INTS9: variants seen among roughly 807,000 people sequenced by gnomAD.
INTS9 encodes integrator complex subunit 9.
INTS9 carries 55 observed loss-of-function variants against 79.7 expected under a neutral mutation model. That is an observed-to-expected ratio of 0.69 (90% CI 0.56 to 0.86). INTS9 has a LOEUF of 0.86. Among genes scored for constraint, INTS9 ranks in the 40% least tolerant of loss-of-function variants. The pLI, the probability that INTS9 is intolerant of heterozygous loss-of-function variation, is 0.00. For synonymous variants in INTS9, 319 were observed against 325.2 expected (o/e 0.98, Z 0.20); for missense variants, 721 against 831.5 (o/e 0.87, Z 1.64).
chr8:28,770,126 C>A, intron 15 of INTS9, 100 bp from the exon 16 acceptor site: 2 of 1,424,836 alleles, frequency 1.4e-6, no homozygotes, highest in South Asian at 2.8e-5. Context: ...TCCTCACAGG[C>A]CACAGAGCCC....
chr8:28,841,982 G>C (rs191774569), intron 4 of INTS9, among the ~76,000 whole-genome samples: 1 of 152,066 alleles, frequency 6.6e-6, no homozygotes, highest in Non-Finnish European at 1.5e-5. Flanking sequence ...CCAGCTACTC[G>C]GAGGCTGAGA....
At chr8:28,786,688 AT>A (rs1387997690) in intron 11 of INTS9, among the ~76,000 whole-genome samples, 1 of 152,172 alleles carries the variant, frequency 6.6e-6, no homozygotes, top group Non-Finnish European at 1.5e-5. Context: ...CATAGAGTAC[AT>A]TGTTCAGCTT....
chr8:28,834,139 C>A (rs1374021295), intron 6 of INTS9, among the ~76,000 whole-genome samples: 1 of 152,182 alleles, frequency 6.6e-6, no homozygotes, highest in Non-Finnish European at 1.5e-5. Context: ...CAGTTCTTTT[C>A]AATTCTATCT....
intron 11 of INTS9, among the ~76,000 whole-genome samples, chr8:28,784,498 C>A (rs1803472889): frequency 6.6e-6 from 1 of 152,210 alleles, no homozygotes; most frequent in African/African-American, 2.4e-5. Context: ...AAAATAACTT[C>A]TTCAAAACCT....
At chr8:28,880,359 C>T (rs1809651159) in intron 1 of INTS9, among the ~76,000 whole-genome samples, 1 of 151,898 alleles carries the variant, frequency 6.6e-6, no homozygotes, top group Non-Finnish European at 1.5e-5. Context: ...AACCTCCCTG[C>T]CTGATTCTCC....
intron 1 of INTS9, among the ~76,000 whole-genome samples, chr8:28,885,742 G>A (rs1810146891): frequency 6.6e-6 from 1 of 152,130 alleles, no homozygotes; most frequent in African/African-American, 2.4e-5. Context: ...TTTCGGTAAG[G>A]ACCTTTGTGA....
chr8:28,793,151 T>C (rs1343856810), intron 10 of INTS9, among the ~76,000 whole-genome samples: 1 of 152,166 alleles, frequency 6.6e-6, no homozygotes, highest in East Asian at 1.9e-4. Flanking sequence ...CTAAAAGGGA[T>C]TAAATGCAGC....
chr8:28,884,143 T>TACC (rs1159554823), intron 1 of INTS9, among the ~76,000 whole-genome samples: 2 of 143,388 alleles, frequency 1.4e-5, no homozygotes, highest in African/African-American at 2.5e-5. Flanking sequence ...CAACTACTAC[T>TACC]ACCAAAAGTC....
rs531961657 is a variant in INTS9 at position 28,883,631 on chromosome 8, C to G, written c.9+6243G>C. On this transcript the variant is annotated intron_variant, in intron 1 of 16. Coordinates refer to ENST00000521022, the MANE Select transcript of INTS9 (RefSeq NM_018250.4). ...ATTACATGTAACAAAAATATTTGAG[C>G]CTGAGCCCAAGGGTATCTCTAATCA... Among the ~76,000 whole-genome samples the G allele has an allele frequency of 3.3e-5, 5 of 152,310 alleles. 1 individual carries two copies. In the South Asian group the frequency reaches 6.2e-4, roughly 19 times the overall value.
chr8:28,813,319 G>A (rs1805267537), intron 7 of INTS9, among the ~76,000 whole-genome samples, 173 bp downstream of exon 7: 1 of 152,320 alleles, frequency 6.6e-6, no homozygotes, highest in African/African-American at 2.4e-5. Flanking sequence ...AGATGTGAGG[G>A]TGGGGAAAGA....
At position 28,846,730 on chromosome 8, in the gene INTS9, ATTCACCT is replaced by A; in HGVS notation, c.261+10_261+16del. The stretch of plus-strand genomic sequence containing the variant: ...TAATAAGGTTTGTTTCTACAATAAG[ATTCACCT>A]TAATCTTACCTCTGGTAAACAGAAT... On this transcript the variant is annotated intron_variant, in intron 4 of 16. Transcript: ENST00000521022. The A allele has an allele frequency of 6.3e-7, 1 of 1,590,116 alleles. No individual in the cohort carries two copies. Among genetic ancestry groups the A allele is most frequent in the South Asian group, 1.1e-5 (1 of 90,602 alleles).
intron 2 of INTS9, among the ~76,000 whole-genome samples, chr8:28,853,966 G>A (rs148927680): frequency 9.1e-4 from 138 of 151,982 alleles, no homozygotes; most frequent in East Asian, 3.1e-3. Context: ...TGATCTGCCC[G>A]CGCCTCAGCC....
intron 3 of INTS9, 94 bp downstream of exon 3, chr8:28,850,118 AG>A: frequency 1.2e-6 from 1 of 831,472 alleles, no homozygotes; most frequent in South Asian, 1.8e-5. Context: ...AAAAAAAAAA[AG>A]CCATCAGTCA....
intron 6 of INTS9, among the ~76,000 whole-genome samples, chr8:28,834,676 GTTTTTT>G (rs35112754): frequency 7.5e-6 from 1 of 134,178 alleles, no homozygotes; most frequent in Non-Finnish European, 1.6e-5. Flanking sequence ...GCAAACATCT[GTTTTTT>G]TTTTTTTTTT....
chr8:28,790,801 A>G lies in INTS9; in HGVS notation c.1038-2912T>C, dbSNP rs553408275. On this transcript the variant is annotated intron_variant, in intron 10 of 16. Coordinates refer to ENST00000521022, the MANE Select transcript of INTS9 (RefSeq NM_018250.4). ...TTCTTGTGGCAATCCCAGCCACTCA[A>G]CTACCTCAACGCTGAGGACACCCCA... is the stretch of plus-strand genomic sequence containing the variant. Among the ~76,000 whole-genome samples, 3 of 152,260 alleles carry G rather than the reference A, an allele frequency of 2.0e-5. No individual in the cohort carries two copies. The East Asian group carries it at 5.8e-4, about 29-fold the overall frequency.
intron 4 of INTS9, among the ~76,000 whole-genome samples, chr8:28,839,860 C>G (rs1370858585): frequency 1.4e-5 from 2 of 148,130 alleles, no homozygotes; most frequent in African/African-American, 2.5e-5. Context: ...CTAGGCATTA[C>G]CATTCAGGAC....
intron 1 of INTS9, among the ~76,000 whole-genome samples, chr8:28,877,089 A>C (rs1400546022): frequency 6.6e-6 from 1 of 152,136 alleles, no homozygotes; most frequent in East Asian, 1.9e-4. Context: ...AATAATTCTA[A>C]ATTTATACAA....
chr8:28,771,129 T>C lies in INTS9; in HGVS notation c.1564-49A>G, dbSNP rs1349382314. 6 of 1,181,688 alleles carry C rather than the reference T, an allele frequency of 5.1e-6. No individual in the cohort carries two copies. In the East Asian group the frequency reaches 1.3e-4, roughly 25 times the overall value. The allele number at this position is 1,181,688 out of a possible 1,614,324, so 73.2% of individuals were successfully genotyped here. ...GGCTGGGGGCCTTTAATGATGACCA[T>C]TACTCTTCCTTTAATCTGTATTTAC... On this transcript the variant is annotated intron_variant, in intron 14 of 16. Coordinates refer to ENST00000521022, the MANE Select transcript of INTS9 (RefSeq NM_018250.4).
chr8:28,835,419 ATTAGAGAAACACCCCATACT>A (rs758823528), intron 5 of INTS9, 41 bp from the exon 6 acceptor site: 2 of 1,494,932 alleles, frequency 1.3e-6, no homozygotes, highest in Non-Finnish European at 1.9e-6. Flanking sequence ...CCATTAAAAA[ATTAGAGAAACACCCCATACT>A]CTAACAGTTG....
Sources: allele counts gnomAD v4.1 joint callset (sites outside exome capture counted in the v4.1 genomes callset), GRCh38; gene constraint gnomAD v4.1.1; transcripts MANE v1.5; gene names NCBI Gene and HGNC (gene_info 2026-07-23, HGNC 2026-07-21).